The following PBX1 variants were observed in gnomAD, a reference collection of about 807,000 sequenced individuals.
The protein encoded by PBX1 is PBX homeobox 1.
PBX1 carries 6 observed loss-of-function variants against 53.4 expected under a neutral mutation model. That is an observed-to-expected ratio of 0.11 (90% confidence interval 0.06 to 0.22). PBX1 has a LOEUF of 0.22. Ranked by LOEUF, PBX1 falls within the 10% of genes least tolerant of loss-of-function variation. The pLI, the probability that PBX1 is intolerant of heterozygous loss-of-function variation, is 1.00. For missense variants in PBX1, 251 were observed against 551.4 expected (o/e 0.46, Z 5.46); for synonymous variants, 204 against 212.3 (o/e 0.96, Z 0.34).
intron 4 of PBX1, among the ~76,000 whole-genome samples, chr1:164,806,177 T>C (rs1253635146): frequency 6.6e-6 from 1 of 152,218 alleles, no homozygotes; most frequent in Admixed American, 6.5e-5. Flanking sequence ...AACCAGCCCC[T>C]GCATTGAGCC....
intron 2 of PBX1, among the ~76,000 whole-genome samples, chr1:164,699,535 T>C (rs545048812): frequency 2.5e-4 from 38 of 152,262 alleles, no homozygotes; most frequent in Non-Finnish European, 5.0e-4. Flanking sequence ...ACACATGTGC[T>C]TGACTGTGCC....
chr1:164,711,456 G>A (rs1663773585), intron 2 of PBX1, among the ~76,000 whole-genome samples: 2 of 152,146 alleles, frequency 1.3e-5, no homozygotes, highest in South Asian at 4.1e-4. Flanking sequence ...ATAGAGACAT[G>A]GTTTCACCAT....
intron 2 of PBX1, among the ~76,000 whole-genome samples, chr1:164,789,287 C>T (rs1571410488): frequency 2.0e-5 from 3 of 152,078 alleles, no homozygotes; most frequent in Admixed American, 2.0e-4. Flanking sequence ...TTCCCATTGA[C>T]TATTTTAAAA....
chr1:164,780,122 A>G (rs1667859011), intron 2 of PBX1, among the ~76,000 whole-genome samples: 1 of 152,068 alleles, frequency 6.6e-6, no homozygotes, highest in African/African-American at 2.4e-5. Context: ...GAGAGTTCTT[A>G]GTGGGGGGCT....
At chr1:164,603,970 AG>A in intron 2 of PBX1, among the ~76,000 whole-genome samples, 1 of 75,246 alleles carries the variant, frequency 1.3e-5, no homozygotes, top group Non-Finnish European at 2.4e-5. Flanking sequence ...TTTAGAGATG[AG>A]TCTCTGTCAC....
intron 2 of PBX1, among the ~76,000 whole-genome samples, chr1:164,698,537 G>A (rs181256171): frequency 2.5e-4 from 38 of 151,752 alleles, no homozygotes; most frequent in Admixed American, 6.6e-5. Flanking sequence ...TTTACATCTC[G>A]GCATTCAGGA....
chr1:164,763,385 T>C (rs1666905739), intron 2 of PBX1, among the ~76,000 whole-genome samples: 1 of 152,232 alleles, frequency 6.6e-6, no homozygotes, highest in African/African-American at 2.4e-5. Flanking sequence ...AACTGTAGAC[T>C]TATTCCTTTT....
chr1:164,698,068 T>C (rs558492390), intron 2 of PBX1, among the ~76,000 whole-genome samples: 6 of 152,248 alleles, frequency 3.9e-5, no homozygotes, highest in African/African-American at 1.4e-4. Flanking sequence ...TTCTCTTTTT[T>C]AGGAAGGGAG....
chr1:164,769,587 A>G (rs561568200), intron 2 of PBX1, among the ~76,000 whole-genome samples: 1 of 152,306 alleles, frequency 6.6e-6, no homozygotes, highest in East Asian at 1.9e-4. Context: ...ACAAATGGGA[A>G]TGACACCATC....
intron 2 of PBX1, among the ~76,000 whole-genome samples, chr1:164,687,561 T>TGA (rs1491270071): frequency 1.8e-5 from 2 of 110,490 alleles, no homozygotes. Context: ...AGACCTTGTC[T>TGA]AAAAAAAAAA....
chr1:164,628,635 A>G (rs899912843), intron 2 of PBX1, among the ~76,000 whole-genome samples: 2 of 152,240 alleles, frequency 1.3e-5, no homozygotes, highest in African/African-American at 4.8e-5. Flanking sequence ...CAACTCTATT[A>G]GAAGATAGCA....
downstream of PBX1, among the ~76,000 whole-genome samples, chr1:164,855,272 G>A (rs958058638): frequency 3.3e-5 from 5 of 152,050 alleles, no homozygotes; most frequent in Admixed American, 3.3e-4. Flanking sequence ...AAAATTCAAA[G>A]GAATATTAGT....
intron 2 of PBX1, chr1:164,641,119 C>T (rs1433255469): frequency 6.5e-6 from 1 of 153,080 alleles, no homozygotes; most frequent in African/African-American, 2.4e-5. Context: ...AAATTCCACA[C>T]CACCTGTTCT....
intron 4 of PBX1, among the ~76,000 whole-genome samples, chr1:164,803,483 T>A (rs947519111): frequency 5.9e-5 from 9 of 152,228 alleles, no homozygotes; most frequent in African/African-American, 1.9e-4. Flanking sequence ...ATGAGTGAGA[T>A]CTGTCCTCTG....
At chr1:164,884,498 G>T (rs1477490656) in intron 2 of PBX1, 1 of 487,260 alleles carries the variant, frequency 2.1e-6, no homozygotes, top group South Asian at 1.6e-5. Context: ...TGGATAGGGG[G>T]TGTTAAAGTT....
chr1:164,703,468 A>G (rs1663250287), intron 2 of PBX1, among the ~76,000 whole-genome samples: 1 of 152,190 alleles, frequency 6.6e-6, no homozygotes, highest in African/African-American at 2.4e-5. Flanking sequence ...TACTGGGTAT[A>G]GGTCCATGTA....
At chr1:164,750,145 GGTGTGTGTGTGTGTGTGTGTGTGT>G (rs10665357) in intron 2 of PBX1, among the ~76,000 whole-genome samples, 47 of 140,806 alleles carry the variant, frequency 3.3e-4, no homozygotes, top group Non-Finnish European at 5.2e-4. Flanking sequence ...GGGGCTAGTT[GGTGTGTGTGTGTGTGTGTGTGTGT>G]GTGTGTGTGT....
intron 2 of PBX1, among the ~76,000 whole-genome samples, chr1:164,739,695 G>A (rs184442762): frequency 6.6e-4 from 100 of 151,638 alleles, no homozygotes; most frequent in Admixed American, 4.8e-3. Flanking sequence ...GCACAGTGCC[G>A]TCTCTTTTTC....
intron 8 of PBX1, chr1:164,828,678 T>G (rs1194217955): frequency 7.2e-6 from 1 of 139,828 alleles, no homozygotes; most frequent in East Asian, 2.0e-4. Context: ...AAGGGATAGG[T>G]TTTTTTTTTT....
Sources: gnomAD v4.1 joint callset for allele counts (sites outside exome capture counted in the v4.1 genomes callset) on GRCh38, gnomAD v4.1.1 for gene constraint, MANE v1.5 for transcripts, NCBI Gene and HGNC (gene_info 2026-07-23, HGNC 2026-07-21) for gene names.